The following NALCN variants were observed in gnomAD, a reference collection of about 807,000 sequenced individuals.
NALCN encodes sodium leak channel, non-selective.
In NALCN, 111 loss-of-function variants were observed where a neutral mutation model predicts 225.3. That is an observed-to-expected ratio of 0.49 (90% CI 0.42 to 0.58). NALCN has a LOEUF of 0.58. NALCN is among the 20% of genes least tolerant of loss of function. NALCN has a pLI of 0.00. For synonymous variants in NALCN, 764 were observed against 769.0 expected (o/e 0.99, Z 0.11); for missense variants, 1,378 against 2,202.4 (o/e 0.63, Z 7.49).
intron 7 of NALCN, among the ~76,000 whole-genome samples, chr13:101,331,528 G>A (rs1012677766): frequency 7.2e-5 from 11 of 152,124 alleles, no homozygotes; most frequent in Non-Finnish European, 1.5e-4. Flanking sequence ...AAGATTCCTT[G>A]TGCAACTAAT....
intron 12 of NALCN, among the ~76,000 whole-genome samples, chr13:101,230,396 C>T (rs575122738): frequency 6.6e-6 from 1 of 152,188 alleles, no homozygotes; most frequent in Non-Finnish European, 1.5e-5. Context: ...CTCTTTCCTC[C>T]TTTAAAAAAC....
intron 6 of NALCN, among the ~76,000 whole-genome samples, chr13:101,362,716 C>A (rs1368866816): frequency 6.6e-6 from 1 of 152,030 alleles, no homozygotes; most frequent in Non-Finnish European, 1.5e-5. Context: ...ATTTATTCAA[C>A]ATACTACTGG....
chr13:101,065,295 G>A (rs1223345636), intron 40 of NALCN, 109 bp downstream of exon 40: 2 of 1,179,088 alleles, frequency 1.7e-6, no homozygotes, highest in Admixed American at 2.0e-5. Context: ...CACAGCAGAT[G>A]TGGCATTTTG....
intron 15 of NALCN, among the ~76,000 whole-genome samples, chr13:101,152,724 G>A (rs1008997672): frequency 5.3e-5 from 8 of 152,046 alleles, no homozygotes; most frequent in Non-Finnish European, 1.2e-4. Flanking sequence ...AATAAAGATT[G>A]ATTTTGTAGG....
intron 40 of NALCN, 52 bp downstream of exon 40, chr13:101,065,352 G>C (rs1276992285): frequency 1.3e-6 from 2 of 1,595,708 alleles, no homozygotes; most frequent in East Asian, 4.5e-5. Context: ...CTTGAAGGCT[G>C]ACAGCTGTGG....
intron 11 of NALCN, among the ~76,000 whole-genome samples, chr13:101,254,890 CAAAAAAAAAA>C (rs149258180): frequency 1.0e-4 from 4 of 38,480 alleles, no homozygotes; most frequent in African/African-American, 2.8e-4. Context: ...GACTCTGTCT[CAAAAAAAAAA>C]AAAAAAAAAA....
chr13:101,237,737 AG>A lies in NALCN; in HGVS notation c.1434+17del. On this transcript the variant is annotated intron_variant, in intron 12 of 43. Transcript: ENST00000251127. Reference sequence around the variant, plus strand: ...AATAAATAAATTTCTAAAGACAAATAGGCATTATTTTTATTACCTGAAAGTA... The same window carrying A: ...AATAAATAAATTTCTAAAGACAAATAGCATTATTTTTATTACCTGAAAGTA... The A allele has an allele frequency of 6.5e-7, 1 of 1,527,144 alleles. No individual in the cohort carries two copies. The highest frequency in any genetic ancestry group is 8.8e-7 in the Non-Finnish European group (1 of 1,136,618). 94.6% of individuals were successfully genotyped at this position (1,527,144 alleles called of 1,614,324 possible).
At chr13:101,150,508 C>T (rs1386183211) in intron 15 of NALCN, among the ~76,000 whole-genome samples, 2 of 152,048 alleles carry the variant, frequency 1.3e-5, no homozygotes, top group Non-Finnish European at 1.5e-5. Flanking sequence ...GCTACAGACA[C>T]AGAAAAAGGA....
intron 7 of NALCN, among the ~76,000 whole-genome samples, chr13:101,311,538 A>G (rs996355814): frequency 4.0e-5 from 6 of 151,678 alleles, no homozygotes; most frequent in African/African-American, 7.3e-5. Flanking sequence ...CGTCCCATCA[A>G]TACCTAATTT....
At chr13:101,219,156 T>G (rs2040846935) in intron 13 of NALCN, among the ~76,000 whole-genome samples, 1 of 152,182 alleles carries the variant, frequency 6.6e-6, no homozygotes, top group Non-Finnish European at 1.5e-5. Flanking sequence ...AGAATTTCAG[T>G]GAAAGATCCA....
intron 15 of NALCN, among the ~76,000 whole-genome samples, chr13:101,174,726 G>A (rs1483168522): frequency 6.6e-6 from 1 of 152,196 alleles, no homozygotes; most frequent in East Asian, 1.9e-4. Context: ...TTTTACAAAT[G>A]AGGGCTGGAA....
At chr13:101,271,967 GAT>G (rs752505494) in intron 10 of NALCN, among the ~76,000 whole-genome samples, 4 of 144,668 alleles carry the variant, frequency 2.8e-5, no homozygotes, top group Admixed American at 6.7e-5. Context: ...TGTGCGTGTA[GAT>G]ATGTGTGTGT....
intron 13 of NALCN, among the ~76,000 whole-genome samples, chr13:101,198,151 T>A (rs1407629838): frequency 6.6e-6 from 1 of 152,108 alleles, no homozygotes; most frequent in Non-Finnish European, 1.5e-5. Context: ...CAAGATGGAA[T>A]AAAGACTTAA....
chr13:101,166,318 C>T (rs1433045310), intron 15 of NALCN, among the ~76,000 whole-genome samples: 1 of 152,006 alleles, frequency 6.6e-6, no homozygotes, highest in Non-Finnish European at 1.5e-5. Flanking sequence ...GAGGAACTGC[C>T]ATACTGTTTT....
chr13:101,254,997 T>TA lies in NALCN; in HGVS notation c.1266+3445dup, dbSNP rs556843723. 4.2e-3 allele frequency among the ~76,000 whole-genome samples: 640 copies of TA among 152,062 alleles called. 4 individuals carry two copies. The highest frequency in any genetic ancestry group is 0.014 in the African/African-American group (589 of 41,460). ...AATAAGTGTACCCCTGTGAAACCAT[T>TA]ACCATCAATGCCATTGACATATCCA... On this transcript the variant is annotated intron_variant, in intron 11 of 43. Coordinates refer to ENST00000251127, the MANE Select transcript of NALCN (RefSeq NM_052867.4).
chr13:101,357,978 G>T (rs1301747529), intron 6 of NALCN, among the ~76,000 whole-genome samples: 1 of 152,166 alleles, frequency 6.6e-6, no homozygotes, highest in East Asian at 1.9e-4. Context: ...AAACTTGCTA[G>T]CCATGTGCAG....
chr13:101,072,518 C>T (rs180736608), intron 37 of NALCN, among the ~76,000 whole-genome samples: 1 of 152,314 alleles, frequency 6.6e-6, no homozygotes, highest in East Asian at 1.9e-4. Flanking sequence ...CTAGCTCTCT[C>T]TTCTATAATC....
At chr13:101,315,941 C>T (rs1314999793) in intron 7 of NALCN, among the ~76,000 whole-genome samples, 2 of 152,018 alleles carry the variant, frequency 1.3e-5, no homozygotes, top group Admixed American at 1.3e-4. Flanking sequence ...GTGCCAAAAT[C>T]TCCCCTGAAA....
chr13:101,222,039 A>G (rs2040960207), intron 13 of NALCN, among the ~76,000 whole-genome samples: 1 of 152,088 alleles, frequency 6.6e-6, no homozygotes, highest in East Asian at 1.9e-4. Flanking sequence ...AGACATTCCA[A>G]ACCTCCTAAG....
Sources: gnomAD v4.1 joint callset for allele counts (sites outside exome capture counted in the v4.1 genomes callset) on GRCh38, gnomAD v4.1.1 for gene constraint, MANE v1.5 for transcripts, NCBI Gene and HGNC (gene_info 2026-07-23, HGNC 2026-07-21) for gene names.